Variants in RBFOX2 observed in about 807,000 individuals in gnomAD.
RBFOX2 encodes RNA binding protein fox-1 homolog 2.
RBFOX2 carries 10 observed loss-of-function variants against 49.1 expected under a neutral mutation model. The ratio of observed to expected loss-of-function variants is 0.20; its 90% CI spans 0.13 to 0.35. The LOEUF (loss-of-function observed/expected upper bound fraction) is 0.35. Among genes scored for constraint, RBFOX2 ranks in the 10% least tolerant of loss-of-function variants. RBFOX2 has a pLI of 1.00. For synonymous variants in RBFOX2, 183 were observed against 187.4 expected (o/e 0.98, Z 0.19); for missense variants, 323 against 486.9 (o/e 0.66, Z 3.17).
At chr22:35,938,898 C>T (rs2053400487), upstream of RBFOX2, 1 of 1,613,304 alleles carries the variant, frequency 6.2e-7, no homozygotes, top group Non-Finnish European at 8.5e-7. Flanking sequence ...GAGGCTCGTT[C>T]TATGAGAAAG....
intron 1 of RBFOX2, among the ~76,000 whole-genome samples, chr22:35,930,362 T>G (rs1033022512): frequency 1.3e-5 from 2 of 152,094 alleles, no homozygotes; most frequent in Admixed American, 1.3e-4. Context: ...ATATTTATAT[T>G]TATTTTCTCT....
intron 1 of RBFOX2, among the ~76,000 whole-genome samples, chr22:35,896,160 T>C (rs1284663462): frequency 6.6e-6 from 1 of 152,208 alleles, no homozygotes; most frequent in Non-Finnish European, 1.5e-5. Context: ...AACATGGCAT[T>C]GACCACCTCT....
rs3075271 is a variant in RBFOX2 at position 36,026,541 on chromosome 22, T to TACACACACACAC, written c.186+1687_186+1698dup. 4.7e-3 allele frequency among the ~76,000 whole-genome samples: 644 copies of TACACACACACAC among 136,628 alleles called. 6 individuals carry two copies. Among genetic ancestry groups the TACACACACACAC allele is most frequent in the African/African-American group, 0.018 (609 of 33,990 alleles). The allele number at this position is 136,628 out of a possible 152,430, so 89.6% of individuals were successfully genotyped here. On this transcript the variant is annotated intron_variant, in intron 1 of 13. Transcript: ENST00000438146. ...TTGACAGAAATGATAAATGAATACA[T>TACACACACACAC]ACACACACACACACACACACACACA...
chr22:35,806,514 A>G (rs1236659654), intron 2 of RBFOX2, among the ~76,000 whole-genome samples: 2 of 152,324 alleles, frequency 1.3e-5, no homozygotes, highest in East Asian at 1.9e-4. Flanking sequence ...GTGATAAGTC[A>G]AAGATGTAAT....
rs774084792 is a variant in RBFOX2, at chr22:35,765,431, T to A, written c.599A>T (p.Tyr200Phe). ...AGATTATAATTTCTTACCATTTGCA[T>A]ATGGTGTGACCATCTTCTTATTGGT... Residue 200 changes from tyrosine (Y) to phenylalanine (F), a missense_variant, in exon 6 of 12, where the codon TAT becomes TTT. Physicochemically the swap from Tyr to Phe is conservative, Grantham distance 22. This residue lies in a region of RBFOX2 where 200 missense variants were observed against 370.0 expected (regional missense o/e 0.54). Coordinates refer to ENST00000405409, the Ensembl canonical transcript of RBFOX2. The A allele has an allele frequency of 7.3e-6, 11 of 1,512,248 alleles. No individual in the cohort carries two copies. The Admixed American group carries it at 1.7e-4, about 24-fold the overall frequency. 93.7% of individuals were successfully genotyped at this position (1,512,248 alleles called of 1,614,324 possible).
At chr22:35,991,480 A>G (rs2057978921) in intron 1 of RBFOX2, among the ~76,000 whole-genome samples, 1 of 152,226 alleles carries the variant, frequency 6.6e-6, no homozygotes, top group Non-Finnish European at 1.5e-5. Context: ...ATTCCTTAAC[A>G]GAAAATTGGA....
Position 35,923,679 on chromosome 22 carries a change from T to A in RBFOX2, c.-34+15168A>T, listed in dbSNP as rs111947235. On this transcript the variant is annotated intron_variant, in intron 1 of 13. Coordinates refer to the RBFOX2 transcript ENST00000359369. The stretch of plus-strand genomic sequence containing the variant: ...TCTCTCAGGAAACTGCAAATCTTGA[T>A]TTCCTCATCTGCCAATGGAGATTAA... 2.5e-3 allele frequency among the ~76,000 whole-genome samples: 376 copies of A among 152,256 alleles called. 1 individual carries two copies. The highest frequency in any genetic ancestry group is 8.8e-3 in the African/African-American group (364 of 41,560).
In RBFOX2 at chr22:35,896,052, T is replaced by C. The variant is rs2047799336; in HGVS notation, c.-34+42795A>G. Among the ~76,000 whole-genome samples, 4 of 152,180 alleles carry C rather than the reference T, an allele frequency of 2.6e-5. No individual in the cohort carries two copies. The South Asian group carries it at 8.3e-4, about 32-fold the overall frequency. ...TAATGCCAATGTCAATGCCCATACGTGTTCCTTGCTTCCCCGACCCCTTTC... is the reference window on the plus strand; with the variant it reads ...TAATGCCAATGTCAATGCCCATACGCGTTCCTTGCTTCCCCGACCCCTTTC... On this transcript the variant is annotated intron_variant, in intron 1 of 13. Coordinates refer to the RBFOX2 transcript ENST00000359369.
At chr22:35,804,445 A>G (rs1737473787) in intron 2 of RBFOX2, among the ~76,000 whole-genome samples, 1 of 152,232 alleles carries the variant, frequency 6.6e-6, no homozygotes, top group African/African-American at 2.4e-5. Flanking sequence ...TCCTAGACAC[A>G]TCATAGAGAA....
At chr22:35,876,610 T>C (rs1003351025) in intron 1 of RBFOX2, among the ~76,000 whole-genome samples, 1 of 152,064 alleles carries the variant, frequency 6.6e-6, no homozygotes, top group Admixed American at 6.6e-5. Context: ...CATTCTATAA[T>C]CTATCTAAAA....
At chr22:36,025,985 C>CCGG (rs1161312607) in intron 1 of RBFOX2, among the ~76,000 whole-genome samples, 1 of 152,114 alleles carries the variant, frequency 6.6e-6, no homozygotes, top group Non-Finnish European at 1.5e-5. Context: ...GTATAGAAGG[C>CCGG]CGGGTGTGGT....
chr22:35,812,032 G>A (rs912785786), intron 1 of RBFOX2, among the ~76,000 whole-genome samples: 10 of 151,502 alleles, frequency 6.6e-5, no homozygotes, highest in African/African-American at 2.4e-4. Flanking sequence ...AGGCTGAGGC[G>A]GGCAGATCAC....
chr22:35,960,896 C>T (rs978576666), intron 1 of RBFOX2, among the ~76,000 whole-genome samples: 20 of 152,100 alleles, frequency 1.3e-4, no homozygotes, highest in African/African-American at 4.8e-4. Flanking sequence ...GGTTGTATCA[C>T]CAACCAAGGT....
At chr22:35,852,013 C>T (rs572316210) in intron 1 of RBFOX2, among the ~76,000 whole-genome samples, 2 of 152,028 alleles carry the variant, frequency 1.3e-5, no homozygotes, top group East Asian at 3.9e-4. Flanking sequence ...CCTTGGGTTA[C>T]ACATTTGTGA....
chr22:35,744,842 T>C (rs1208606885), intron 11 of RBFOX2, among the ~76,000 whole-genome samples: 1 of 152,264 alleles, frequency 6.6e-6, no homozygotes, highest in African/African-American at 2.4e-5. Flanking sequence ...GGGTTTTAAC[T>C]AGGCTTTATT....
At position 35,760,076 on chromosome 22, in the gene RBFOX2, C is replaced by G. The variant is rs754685405; in HGVS notation, c.755-56G>C. ...TTCAACTTGCATTCAATAGAAGGTG[C>G]ACAGTCACAACTTGCTATGAACCAA... On this transcript the variant is annotated intron_variant, in intron 8 of 11. Coordinates refer to ENST00000405409, the Ensembl canonical transcript of RBFOX2. 4.4e-6 allele frequency: 7 copies of G among 1,599,372 alleles called. No individual in the cohort carries two copies. In the South Asian group the frequency reaches 7.7e-5, roughly 18 times the overall value.
At chr22:35,769,761 C>T (rs751229792) in intron 4 of RBFOX2, among the ~76,000 whole-genome samples, 1 of 152,040 alleles carries the variant, frequency 6.6e-6, no homozygotes, top group South Asian at 2.1e-4. Flanking sequence ...TTAACTGACA[C>T]GGTAAACAAT....
chr22:36,028,505 GC>G (rs1324702497), exon 1 of RBFOX2: 10 of 1,049,446 alleles, frequency 9.5e-6, no homozygotes, highest in Non-Finnish European at 1.1e-5. Context: ...CCCGACTGTC[GC>G]GACAGGCGGG....
chr22:35,977,731 T>C (rs1261284357), intron 1 of RBFOX2, among the ~76,000 whole-genome samples: 1 of 57,492 alleles, frequency 1.7e-5, no homozygotes, highest in Non-Finnish European at 4.5e-5. Flanking sequence ...ACTATATATA[T>C]ATATATATAT....
Sources: allele counts gnomAD v4.1 joint callset (sites outside exome capture counted in the v4.1 genomes callset), GRCh38; gene constraint gnomAD v4.1.1; regional missense constraint gnomAD v4.1.1; transcripts MANE v1.5; gene names NCBI Gene and HGNC (gene_info 2026-07-23, HGNC 2026-07-21).